Variants in TSNARE1 observed in about 807,000 individuals in gnomAD.
The protein encoded by TSNARE1 is t-SNARE domain containing 1.
Under a neutral mutation model 62.0 loss-of-function variants are expected in TSNARE1, and 49 were observed. The observed-to-expected ratio is 0.79, with a 90% CI of 0.63 to 1.00. TSNARE1 has a LOEUF of 1.00. Ranked by LOEUF, TSNARE1 falls within the 50% of genes least tolerant of loss-of-function variation. The pLI is 0.00. For synonymous variants in TSNARE1, 328 were observed against 294.4 expected (o/e 1.11, Z -1.17); for missense variants, 755 against 700.1 (o/e 1.08, Z -0.88).
At chr8:142,264,279 A>C (rs1819030595) in intron 12 of TSNARE1, among the ~76,000 whole-genome samples, 1 of 152,192 alleles carries the variant, frequency 6.6e-6, no homozygotes, top group Non-Finnish European at 1.5e-5. Context: ...TTCTAACTGC[A>C]TTTTCTAGTG....
chr8:142,284,431 C>G lies in TSNARE1; in HGVS notation c.1345G>C (p.Glu449Gln). The change falls in exon 11 of 14, where the codon GAG becomes CAG. Residue 449 changes from glutamate to glutamine, a missense_variant. Coordinates refer to ENST00000524325, the MANE Select transcript of TSNARE1 (RefSeq NM_145003.5). ...TACCCACCAACAGCTTCTCCTTGCTCTGACACCATGGAGGCCAAGTCCTTG... is the reference window on the plus strand; with the variant it reads ...TACCCACCAACAGCTTCTCCTTGCTGTGACACCATGGAGGCCAAGTCCTTG... ...IIKDLASMVSEQGEAVDSIEA... is the reference protein window; with the variant it reads ...IIKDLASMVSQQGEAVDSIEA... 1 of 1,613,614 alleles carries G rather than the reference C, an allele frequency of 6.2e-7. No homozygotes were observed. The highest frequency in any genetic ancestry group is 8.5e-7 in the Non-Finnish European group (1 of 1,179,948).
chr8:142,213,318 C>G (rs1445422677), intron 13 of TSNARE1, among the ~76,000 whole-genome samples: 1 of 144,412 alleles, frequency 6.9e-6, no homozygotes, highest in Non-Finnish European at 1.5e-5. Context: ...TGCCCCTCCT[C>G]CAGCCCCTCT....
chr8:142,353,708 C>T (rs1019828715), intron 2 of TSNARE1, among the ~76,000 whole-genome samples: 5 of 152,066 alleles, frequency 3.3e-5, no homozygotes, highest in African/African-American at 1.2e-4. Context: ...GAACAGGCCC[C>T]CTGGGGACCA....
intron 6 of TSNARE1, among the ~76,000 whole-genome samples, chr8:142,320,826 C>G (rs1459608226): frequency 6.6e-6 from 1 of 152,240 alleles, no homozygotes; most frequent in Non-Finnish European, 1.5e-5. Context: ...CCGCGCTGAC[C>G]TCTCCACTCC....
At chr8:142,303,373 C>T (rs185841001) in intron 9 of TSNARE1, among the ~76,000 whole-genome samples, 17 of 152,316 alleles carry the variant, frequency 1.1e-4, no homozygotes, top group Admixed American at 8.5e-4. Context: ...CAGCCTGGGT[C>T]CCGTTTATGC....
intron 12 of TSNARE1, chr8:142,271,562 G>A (rs984409142): frequency 2.2e-5 from 31 of 1,403,254 alleles, no homozygotes; most frequent in Admixed American, 8.8e-5. Context: ...GGAAGCAGGT[G>A]GGGAGGGTGA....
intron 1 of TSNARE1, among the ~76,000 whole-genome samples, chr8:142,358,252 G>A (rs1487725367): frequency 4.3e-5 from 5 of 115,308 alleles, no homozygotes; most frequent in Admixed American, 8.1e-5. Context: ...TGCAAAGGGC[G>A]GCGGGGTCTG....
chr8:142,226,606 C>T (rs554808425), intron 13 of TSNARE1, among the ~76,000 whole-genome samples: 1 of 152,272 alleles, frequency 6.6e-6, no homozygotes, highest in East Asian at 1.9e-4. Flanking sequence ...TCTGCTCAGC[C>T]CCACTCCTCT....
chr8:142,337,403 C>T (rs1174133533), intron 4 of TSNARE1, among the ~76,000 whole-genome samples: 3 of 152,238 alleles, frequency 2.0e-5, no homozygotes, highest in African/African-American at 4.8e-5. Context: ...AGCCTCTTTC[C>T]GCCTAACAGC....
chr8:142,382,320 C>T (rs545569043), intron 1 of TSNARE1, among the ~76,000 whole-genome samples: 4 of 152,294 alleles, frequency 2.6e-5, no homozygotes, highest in Admixed American at 1.3e-4. Context: ...GGAGAAGCAC[C>T]GATCGCTAAC....
At chr8:142,217,820 G>T (rs982999190) in intron 13 of TSNARE1, among the ~76,000 whole-genome samples, 1 of 151,912 alleles carries the variant, frequency 6.6e-6, no homozygotes, top group South Asian at 2.1e-4. Context: ...AGCGTTCAGG[G>T]TGTGAGCAGG....
intron 1 of TSNARE1, among the ~76,000 whole-genome samples, chr8:142,362,464 G>GT (rs1185084404): frequency 1.3e-5 from 2 of 152,206 alleles, no homozygotes; most frequent in East Asian, 1.9e-4. Context: ...TTCTGCTGCT[G>GT]TAACAGAATG....
At chr8:142,329,255 A>C (rs922036569) in intron 6 of TSNARE1, among the ~76,000 whole-genome samples, 1 of 152,164 alleles carries the variant, frequency 6.6e-6, no homozygotes, top group Admixed American at 6.5e-5. Flanking sequence ...GAGTTTCCAG[A>C]CCTAAGAGCT....
At chr8:142,250,417 A>T (rs1818106515) in intron 12 of TSNARE1, among the ~76,000 whole-genome samples, 1 of 151,906 alleles carries the variant, frequency 6.6e-6, no homozygotes, top group African/African-American at 2.4e-5. Context: ...ATAATCCCGG[A>T]TCCCTTTCCA....
intron 9 of TSNARE1, among the ~76,000 whole-genome samples, chr8:142,313,913 G>T (rs936463620): frequency 2.0e-5 from 3 of 152,244 alleles, no homozygotes; most frequent in African/African-American, 2.4e-5. Flanking sequence ...CATGTAGCTG[G>T]GATGACAGGT....
intron 12 of TSNARE1, among the ~76,000 whole-genome samples, chr8:142,239,454 A>G (rs1817585593): frequency 1.3e-5 from 2 of 152,388 alleles, no homozygotes; most frequent in African/African-American, 4.8e-5. Flanking sequence ...GGAAGGGGCT[A>G]GGACGATGTC....
rs191626929 is a variant in TSNARE1, at chr8:142,361,712, T to A, written c.-39-6949A>T. ...GCTTGCCCTTGGCCAGTGGAACACA[T>A]GCTACCTTCACACTCCCTAAATGAA... On this transcript the variant is annotated intron_variant, in intron 1 of 13. Coordinates refer to ENST00000524325, the MANE Select transcript of TSNARE1 (RefSeq NM_145003.5). 6.0e-3 allele frequency among the ~76,000 whole-genome samples: 917 copies of A among 152,246 alleles called. 10 individuals carry two copies. Among genetic ancestry groups the A allele is most frequent in the African/African-American group, 0.021 (860 of 41,544 alleles).
chr8:142,317,883 T>C (rs954658507), intron 7 of TSNARE1, among the ~76,000 whole-genome samples: 24 of 152,200 alleles, frequency 1.6e-4, no homozygotes, highest in African/African-American at 5.8e-4. Flanking sequence ...ACTTGAACCC[T>C]GGGGGCAGAA....
intron 12 of TSNARE1, among the ~76,000 whole-genome samples, chr8:142,259,811 G>A (rs1024548391): frequency 1.3e-5 from 2 of 152,194 alleles, no homozygotes; most frequent in African/African-American, 2.4e-5. Context: ...TGCTAAGAAT[G>A]CAACTAAGGG....
Sources: allele counts gnomAD v4.1 joint callset (sites outside exome capture counted in the v4.1 genomes callset), GRCh38; gene constraint gnomAD v4.1.1; transcripts MANE v1.5; gene names NCBI Gene and HGNC (gene_info 2026-07-23, HGNC 2026-07-21).